PCDH9: variants seen among roughly 807,000 people sequenced by gnomAD.
PCDH9 encodes protocadherin-9.
Under a neutral mutation model 70.6 loss-of-function variants are expected in PCDH9, and 24 were observed. The observed-to-expected ratio is 0.34, with a 90% CI of 0.25 to 0.48. PCDH9 has a LOEUF of 0.48. Ranked by LOEUF, PCDH9 falls within the 20% of genes least tolerant of loss-of-function variation. The pLI, the probability that PCDH9 is intolerant of heterozygous loss-of-function variation, is 0.99. For synonymous variants in PCDH9, 562 were observed against 558.5 expected (o/e 1.01, Z -0.09); for missense variants, 1,281 against 1,503.6 (o/e 0.85, Z 2.45).
At chr13:66,386,754 C>A (rs906510122) in intron 4 of PCDH9, among the ~76,000 whole-genome samples, 8 of 152,058 alleles carry the variant, frequency 5.3e-5, no homozygotes, top group African/African-American at 1.9e-4. Context: ...GCATGTGTTA[C>A]ATGGCAACAG....
intron 3 of PCDH9, among the ~76,000 whole-genome samples, chr13:66,866,263 A>T (rs2081572575): frequency 6.6e-6 from 1 of 152,022 alleles, no homozygotes; most frequent in South Asian, 2.1e-4. Context: ...TGGGCTGATC[A>T]CGAGGTCAGG....
At chr13:66,705,725 A>G (rs549247454) in intron 3 of PCDH9, among the ~76,000 whole-genome samples, 1 of 152,330 alleles carries the variant, frequency 6.6e-6, no homozygotes, top group South Asian at 2.1e-4. Context: ...AGAGAAATAT[A>G]TATGCTTATG....
intron 3 of PCDH9, among the ~76,000 whole-genome samples, chr13:66,713,625 G>GTGTGTATATATATATATATA (rs1379996611): frequency 1.8e-5 from 2 of 109,998 alleles, no homozygotes; most frequent in African/African-American, 7.3e-5. Context: ...GTGTGTGTGT[G>GTGTGTATATATATATATATA]TATATATATA....
At chr13:67,116,246 C>T (rs1235753185) in intron 2 of PCDH9, among the ~76,000 whole-genome samples, 1 of 152,126 alleles carries the variant, frequency 6.6e-6, no homozygotes, top group Non-Finnish European at 1.5e-5. Flanking sequence ...AACACGGCCA[C>T]ACAGAATCAG....
intron 3 of PCDH9, among the ~76,000 whole-genome samples, chr13:66,638,767 A>T (rs1282456376): frequency 6.6e-6 from 1 of 152,186 alleles, no homozygotes; most frequent in Non-Finnish European, 1.5e-5. Context: ...GTAGAAACGA[A>T]ATATTATTGT....
At chr13:66,765,228 T>C (rs2079696148) in intron 3 of PCDH9, among the ~76,000 whole-genome samples, 1 of 151,964 alleles carries the variant, frequency 6.6e-6, no homozygotes, top group Non-Finnish European at 1.5e-5. Flanking sequence ...AAATCAAAGA[T>C]TTGATCTCCA....
At chr13:66,631,080 G>T (rs1248714553) in intron 4 of PCDH9, 130 bp downstream of exon 4, 1 of 626,154 alleles carries the variant, frequency 1.6e-6, no homozygotes, top group South Asian at 2.0e-5. Context: ...AAAGAATACA[G>T]CAACAACAAT....
Position 66,898,689 on chromosome 13 carries a change from A to AT in PCDH9, c.3138+4814dup, listed in dbSNP as rs759350191. ...ACTAAATCAGATTTCGTGTATGAATATTTTTTTAAAAAGAAAATAAAAGAC... is the reference window on the plus strand; with the variant it reads ...ACTAAATCAGATTTCGTGTATGAATATTTTTTTTAAAAAGAAAATAAAAGAC... On this transcript the variant is annotated intron_variant, in intron 3 of 4. Coordinates refer to ENST00000377865, the MANE Select transcript of PCDH9 (RefSeq NM_203487.3). Among the ~76,000 whole-genome samples the AT allele has an allele frequency of 5.9e-5, 9 of 152,180 alleles. 1 individual carries two copies. In the South Asian group the frequency reaches 1.9e-3, roughly 32 times the overall value.
chr13:66,520,187 G>C (rs940961624), intron 4 of PCDH9, among the ~76,000 whole-genome samples: 1 of 151,972 alleles, frequency 6.6e-6, no homozygotes, highest in Non-Finnish European at 1.5e-5. Context: ...CTTTTGTTTT[G>C]AACGTCTTAA....
chr13:66,434,051 T>A (rs1373829606), intron 4 of PCDH9, among the ~76,000 whole-genome samples: 1 of 151,906 alleles, frequency 6.6e-6, no homozygotes, highest in East Asian at 1.9e-4. Flanking sequence ...TGGAGTTGTA[T>A]CCAATGTCCC....
At chr13:66,500,265 T>G (rs1272414311) in intron 4 of PCDH9, among the ~76,000 whole-genome samples, 1 of 152,154 alleles carries the variant, frequency 6.6e-6, no homozygotes, top group Non-Finnish European at 1.5e-5. Context: ...ATCTTGCAAT[T>G]TCACTTCTGG....
At chr13:67,136,382 A>G (rs1326965791) in intron 2 of PCDH9, among the ~76,000 whole-genome samples, 1 of 152,132 alleles carries the variant, frequency 6.6e-6, no homozygotes, top group Non-Finnish European at 1.5e-5. Context: ...GTGACGCATG[A>G]CTGTGTAAGT....
At chr13:67,205,411 A>G (rs534707683) in intron 2 of PCDH9, 2 of 152,236 alleles carry the variant, frequency 1.3e-5, no homozygotes, top group African/African-American at 2.4e-5. Flanking sequence ...GGACTTCAAG[A>G]AAAAGCTGCT....
intron 4 of PCDH9, among the ~76,000 whole-genome samples, chr13:66,479,435 C>G (rs544226091): frequency 2.0e-5 from 3 of 152,326 alleles, no homozygotes; most frequent in South Asian, 4.1e-4. Context: ...TCTGATGGAT[C>G]TGTAAACAGT....
At chr13:66,713,627 A>G (rs9571635) in intron 3 of PCDH9, among the ~76,000 whole-genome samples, 18 of 64,414 alleles carry the variant, frequency 2.8e-4, no homozygotes, top group African/African-American at 7.6e-4. Flanking sequence ...GTGTGTGTGT[A>G]TATATATATA....
At chr13:67,151,225 T>C (rs2087652471) in intron 2 of PCDH9, among the ~76,000 whole-genome samples, 1 of 152,216 alleles carries the variant, frequency 6.6e-6, no homozygotes, top group Admixed American at 6.5e-5. Context: ...GTTTTATCTC[T>C]GTACTATCTT....
intron 2 of PCDH9, among the ~76,000 whole-genome samples, chr13:66,989,330 T>C (rs570026154): frequency 8.5e-5 from 13 of 152,054 alleles, no homozygotes; most frequent in African/African-American, 2.9e-4. Flanking sequence ...CAAATGACCT[T>C]ATGAAGTTAG....
At chr13:66,822,389 C>T (rs9592489) in intron 3 of PCDH9, among the ~76,000 whole-genome samples, 17,504 of 151,690 alleles carry the variant, frequency 0.12, 1,238 homozygotes, top group Middle Eastern at 0.19. Flanking sequence ...GAAGAAAATA[C>T]GTTCAGTTTG....
At chr13:66,893,683 A>T (rs957418073) in intron 3 of PCDH9, among the ~76,000 whole-genome samples, 1 of 152,168 alleles carries the variant, frequency 6.6e-6, no homozygotes, top group African/African-American at 2.4e-5. Context: ...TGTGCACGCA[A>T]TAACATATAC....
Sources: gnomAD v4.1 joint callset for allele counts (sites outside exome capture counted in the v4.1 genomes callset) on GRCh38, gnomAD v4.1.1 for gene constraint, MANE v1.5 for transcripts, NCBI Gene and HGNC (gene_info 2026-07-23, HGNC 2026-07-21) for gene names.